The following MBD5 variants were observed in gnomAD, a reference collection of about 807,000 sequenced individuals.
The protein encoded by MBD5 is methyl-CpG binding domain protein 5.
Under a neutral mutation model 117.3 loss-of-function variants are expected in MBD5, and 13 were observed. The ratio of observed to expected loss-of-function variants is 0.11; its 90% CI spans 0.07 to 0.18. MBD5 has a LOEUF of 0.18. Ranked by LOEUF, MBD5 falls within the 10% of genes least tolerant of loss-of-function variation. The pLI is 1.00. For missense variants in MBD5, 1,879 were observed against 2,093.8 expected, an observed-to-expected ratio of 0.90 and a Z score of 2.00; for synonymous variants, 727 against 766.4, an observed-to-expected ratio of 0.95 and a Z score of 0.85.
At chr2:148,201,506 G>T (rs946761731) in intron 2 of MBD5, among the ~76,000 whole-genome samples, 2 of 152,204 alleles carry the variant, frequency 1.3e-5, no homozygotes, top group Admixed American at 6.5e-5. Context: ...GCTCTAGCCT[G>T]CACCTCCAGG....
chr2:148,228,585 C>G (rs910304611), intron 2 of MBD5, among the ~76,000 whole-genome samples: 1 of 152,086 alleles, frequency 6.6e-6, no homozygotes, highest in African/African-American at 2.4e-5. Flanking sequence ...TTTGCTGTGT[C>G]TCTGCCAGGC....
At chr2:148,226,446 C>G (rs1277394056) in intron 2 of MBD5, among the ~76,000 whole-genome samples, 1 of 152,120 alleles carries the variant, frequency 6.6e-6, no homozygotes, top group Non-Finnish European at 1.5e-5. Context: ...ATAAACTCAT[C>G]ATTTTTTATG....
chr2:148,113,009 A>G (rs995810597), intron 1 of MBD5, among the ~76,000 whole-genome samples: 19 of 152,186 alleles, frequency 1.2e-4, no homozygotes, highest in Admixed American at 6.5e-4. Flanking sequence ...AAATAAATCA[A>G]TGAATAAATA....
At position 148,259,990 on chromosome 2, in the gene MBD5, G is replaced by C. The variant is rs1297440357; in HGVS notation, c.-680+26595G>C. On this transcript the variant is annotated intron_variant, in intron 3 of 13. Coordinates refer to ENST00000642680, the MANE Select transcript of MBD5 (RefSeq NM_001378120.1). Reference sequence around the variant, plus strand: ...AATAATAATCTTCTTATTAGCGAGGGGTTTAGCCTCAATGTCGACATCTGC... The same window carrying C: ...AATAATAATCTTCTTATTAGCGAGGCGTTTAGCCTCAATGTCGACATCTGC... Among the ~76,000 whole-genome samples the C allele has an allele frequency of 1.3e-5, 2 of 152,190 alleles. 1 individual carries two copies. Among genetic ancestry groups the C allele is most frequent in the South Asian group, 4.1e-4 (2 of 4,832 alleles).
intron 1 of MBD5, chr2:148,071,392 CAGGTATTGTGGTA>C (rs1264914736): frequency 1.3e-5 from 2 of 151,130 alleles, no homozygotes; most frequent in Non-Finnish European, 2.9e-5. Flanking sequence ...ATTATTGAGG[CAGGTATTGTGGTA>C]AGTCACTTTA....
At chr2:148,486,514 A>C (rs1187395977) in intron 10 of MBD5, among the ~76,000 whole-genome samples, 1 of 152,216 alleles carries the variant, frequency 6.6e-6, no homozygotes, top group Non-Finnish European at 1.5e-5. Flanking sequence ...TAAAAATTTA[A>C]AATCTCTGTA....
chr2:148,464,561 C>T (rs767067827), intron 7 of MBD5, among the ~76,000 whole-genome samples: 7 of 152,128 alleles, frequency 4.6e-5, no homozygotes, highest in Non-Finnish European at 1.0e-4. Flanking sequence ...CGATCTAAGG[C>T]TCACATTCAG....
intron 4 of MBD5, among the ~76,000 whole-genome samples, chr2:148,432,752 C>G (rs1418276735): frequency 1.3e-5 from 2 of 152,070 alleles, no homozygotes; most frequent in Admixed American, 1.3e-4. Flanking sequence ...CAGTACAATG[C>G]TCTTTTGGTT....
intron 1 of MBD5, among the ~76,000 whole-genome samples, chr2:148,134,346 C>CT (rs1329905402): frequency 6.6e-6 from 1 of 152,052 alleles, no homozygotes; most frequent in East Asian, 1.9e-4. Flanking sequence ...TTAGTACTGG[C>CT]TTTTCAATGT....
intron 3 of MBD5, among the ~76,000 whole-genome samples, chr2:148,329,050 C>T (rs2167880): frequency 0.28 from 41,866 of 152,024 alleles, 6,572 homozygotes; most frequent in Admixed American, 0.37. Context: ...TGCATTATTA[C>T]ATTCACTGTC....
intron 4 of MBD5, among the ~76,000 whole-genome samples, chr2:148,361,250 T>C (rs1703525030): frequency 6.6e-6 from 1 of 152,026 alleles, no homozygotes; most frequent in Non-Finnish European, 1.5e-5. Context: ...CTGGGGAGGC[T>C]GAGGGAGGAG....
chr2:148,230,468 A>C (rs1699956300), intron 2 of MBD5, among the ~76,000 whole-genome samples: 1 of 151,982 alleles, frequency 6.6e-6, no homozygotes, highest in Admixed American at 6.6e-5. Flanking sequence ...GACCCAGAGC[A>C]GGTCCAGAAA....
At chr2:148,398,232 G>A (rs1427139880) in intron 4 of MBD5, among the ~76,000 whole-genome samples, 26 of 152,126 alleles carry the variant, frequency 1.7e-4, no homozygotes, top group Admixed American at 1.6e-3. Context: ...TCGCCACACT[G>A]ACTTCCACAA....
chr2:148,344,497 G>A (rs145314777), intron 4 of MBD5, among the ~76,000 whole-genome samples: 5 of 152,050 alleles, frequency 3.3e-5, no homozygotes, highest in African/African-American at 1.2e-4. Context: ...TCCTAGCAGT[G>A]TTTTGTAGTT....
chr2:148,236,704 G>T (rs114076313), intron 3 of MBD5, among the ~76,000 whole-genome samples: 2,549 of 152,258 alleles, frequency 0.017, 28 homozygotes, highest in East Asian at 0.034. Flanking sequence ...TGGTAAATGA[G>T]CATTGGCTTG....
intron 1 of MBD5, among the ~76,000 whole-genome samples, chr2:148,066,903 C>A (rs1232618502): frequency 2.6e-5 from 4 of 152,170 alleles, no homozygotes; most frequent in African/African-American, 9.7e-5. Flanking sequence ...AGAAAGACTT[C>A]TTTTCTCATT....
rs5835183 is a variant in MBD5 at position 148,357,461 on chromosome 2, CTT to C, written c.-557+15136_-557+15137del. Among the ~76,000 whole-genome samples, 68 of 147,270 alleles carry C rather than the reference CTT, an allele frequency of 4.6e-4. 1 individual carries two copies. Among genetic ancestry groups the C allele is most frequent in the South Asian group, 1.5e-3 (7 of 4,614 alleles). On this transcript the variant is annotated intron_variant, in intron 4 of 13. Transcript: ENST00000642680. ...TTTCTTCTGGCTTTTAGGATTTACT[CTT>C]TTTTTTTTTTCTTGGTATTTTGCAA...
chr2:148,109,762 T>C (rs1463689617), intron 1 of MBD5, among the ~76,000 whole-genome samples: 2 of 152,194 alleles, frequency 1.3e-5, no homozygotes, highest in African/African-American at 2.4e-5. Flanking sequence ...TGGCTTGGGA[T>C]GATTTTCAAA....
At chr2:148,196,944 T>C (rs1699003941) in intron 2 of MBD5, among the ~76,000 whole-genome samples, 1 of 152,000 alleles carries the variant, frequency 6.6e-6, no homozygotes, top group Non-Finnish European at 1.5e-5. Flanking sequence ...AATTGGAAAA[T>C]TAATATATCT....
Sources: gnomAD v4.1 joint callset for allele counts (sites outside exome capture counted in the v4.1 genomes callset) on GRCh38, gnomAD v4.1.1 for gene constraint, MANE v1.5 for transcripts, NCBI Gene and HGNC (gene_info 2026-07-23, HGNC 2026-07-21) for gene names.